RBFOX1: variants seen among roughly 807,000 people sequenced by gnomAD.
The protein encoded by RBFOX1 is RNA binding protein fox-1 homolog 1.
RBFOX1 carries 8 observed loss-of-function variants against 57.7 expected under a neutral mutation model. That is an observed-to-expected ratio of 0.14 (90% CI 0.08 to 0.25). The LOEUF is 0.25. Among genes scored for constraint, RBFOX1 ranks in the 10% least tolerant of loss-of-function variants. RBFOX1 has a pLI of 1.00. For missense variants in RBFOX1, 611 were observed against 548.5 expected (o/e 1.11, Z -1.14); for synonymous variants, 326 against 222.4 (o/e 1.47, Z -4.15).
At chr16:5,508,538 G>C (rs1046905761) in intron 2 of RBFOX1, among the ~76,000 whole-genome samples, 5 of 152,150 alleles carry the variant, frequency 3.3e-5, no homozygotes, top group Non-Finnish European at 7.3e-5. Context: ...ATTGCACAGA[G>C]TGATTGCACA....
chr16:5,646,329 G>T (rs948872864), intron 3 of RBFOX1, among the ~76,000 whole-genome samples: 5 of 151,886 alleles, frequency 3.3e-5, no homozygotes, highest in Admixed American at 2.6e-4. Context: ...TGTGGAGATA[G>T]GGTCTCACTA....
intron 1 of RBFOX1, among the ~76,000 whole-genome samples, chr16:5,254,901 A>T (rs1433402527): frequency 1.3e-5 from 2 of 152,126 alleles, no homozygotes; most frequent in African/African-American, 4.8e-5. Flanking sequence ...TTTGGGGTGA[A>T]CTGCAAGTAT....
At chr16:6,862,734 C>G (rs146262377) in intron 3 of RBFOX1, among the ~76,000 whole-genome samples, 1 of 152,074 alleles carries the variant, frequency 6.6e-6, no homozygotes, top group Non-Finnish European at 1.5e-5. Flanking sequence ...CCTGTAATCC[C>G]GGCGCTTTGT....
chr16:7,143,279 A>G (rs575294290), intron 4 of RBFOX1, among the ~76,000 whole-genome samples: 6 of 151,986 alleles, frequency 3.9e-5, no homozygotes, highest in South Asian at 2.1e-4. Flanking sequence ...AGAAATGACA[A>G]TGCGTCCAAC....
At chr16:6,647,970 T>C (rs1474183412) in intron 2 of RBFOX1, among the ~76,000 whole-genome samples, 1 of 152,162 alleles carries the variant, frequency 6.6e-6, no homozygotes, top group Non-Finnish European at 1.5e-5. Context: ...GCCTCTCTAG[T>C]AGCTGGAATT....
At chr16:7,114,624 G>C (rs2065487832) in intron 4 of RBFOX1, among the ~76,000 whole-genome samples, 2 of 152,162 alleles carry the variant, frequency 1.3e-5, no homozygotes, top group Non-Finnish European at 1.5e-5. Context: ...GAATGTTTCT[G>C]AAACGCCTTT....
At chr16:5,454,927 C>G (rs1251950506) in intron 1 of RBFOX1, among the ~76,000 whole-genome samples, 4 of 37,004 alleles carry the variant, frequency 1.1e-4, no homozygotes, top group Admixed American at 3.2e-4. Context: ...TTGTTTCTTT[C>G]TTCCTTCCTT....
intron 1 of RBFOX1, among the ~76,000 whole-genome samples, chr16:6,060,132 T>TTTG (rs2095666007): frequency 2.5e-4 from 3 of 12,060 alleles, no homozygotes; most frequent in African/African-American, 8.0e-4. Flanking sequence ...GTTTTTTTTT[T>TTTG]TTTTTTTTTT....
chr16:5,838,823 A>G (rs1403008298), intron 3 of RBFOX1, among the ~76,000 whole-genome samples: 2 of 152,224 alleles, frequency 1.3e-5, no homozygotes, highest in African/African-American at 4.8e-5. Flanking sequence ...AACGTGAACT[A>G]AGCACTTTTT....
At chr16:7,437,039 C>T (rs899896425) in intron 4 of RBFOX1, among the ~76,000 whole-genome samples, 17 of 152,176 alleles carry the variant, frequency 1.1e-4, no homozygotes, top group Admixed American at 2.0e-4. Context: ...CAAGATCACA[C>T]CACTGCACTC....
At chr16:6,365,887 G>T (rs1173411740) in intron 2 of RBFOX1, among the ~76,000 whole-genome samples, 1 of 152,190 alleles carries the variant, frequency 6.6e-6, no homozygotes, top group Non-Finnish European at 1.5e-5. Context: ...ACCTAGAATA[G>T]AGAGAGCATT....
chr16:6,875,137 A>G (rs1267792038), intron 3 of RBFOX1, among the ~76,000 whole-genome samples: 1 of 152,188 alleles, frequency 6.6e-6, no homozygotes, highest in Non-Finnish European at 1.5e-5. Context: ...TGCTTATACC[A>G]TTTAATCATA....
At chr16:6,544,999 C>CT (rs1414075450) in intron 2 of RBFOX1, among the ~76,000 whole-genome samples, 3 of 151,988 alleles carry the variant, frequency 2.0e-5, no homozygotes, top group Non-Finnish European at 2.9e-5. Context: ...ACTAATAAAT[C>CT]TTTTTTTTAT....
chr16:7,577,788 A>C (rs549765285), intron 5 of RBFOX1, among the ~76,000 whole-genome samples: 4 of 152,220 alleles, frequency 2.6e-5, no homozygotes, highest in Non-Finnish European at 5.9e-5. Context: ...AATCCTAGCT[A>C]CTTGGAAGGC....
chr16:7,454,762 A>C (rs144782847), intron 4 of RBFOX1, among the ~76,000 whole-genome samples: 2 of 152,212 alleles, frequency 1.3e-5, no homozygotes, highest in East Asian at 3.9e-4. Context: ...GAACATGTGC[A>C]ATTGCCCATC....
intron 3 of RBFOX1, among the ~76,000 whole-genome samples, chr16:6,919,099 C>G (rs1238521907): frequency 1.3e-5 from 2 of 152,126 alleles, no homozygotes; most frequent in Non-Finnish European, 2.9e-5. Context: ...CCTGTCTCAG[C>G]CTACTGAGTA....
At chr16:6,985,465 T>A (rs1002977658) in intron 3 of RBFOX1, among the ~76,000 whole-genome samples, 2 of 152,078 alleles carry the variant, frequency 1.3e-5, no homozygotes, top group Non-Finnish European at 2.9e-5. Flanking sequence ...CTGGGCAAAA[T>A]AGCTAGTCCA....
intron 3 of RBFOX1, among the ~76,000 whole-genome samples, chr16:6,858,020 C>T (rs965396847): frequency 6.6e-6 from 1 of 152,152 alleles, no homozygotes; most frequent in Non-Finnish European, 1.5e-5. Context: ...AAAGGCAAGG[C>T]TTTTCTCTTC....
At chr16:7,681,657 T>C (rs530944300) in intron 14 of RBFOX1, among the ~76,000 whole-genome samples, 7 of 152,290 alleles carry the variant, frequency 4.6e-5, no homozygotes, top group African/African-American at 1.7e-4. Flanking sequence ...ATTTAAGGGC[T>C]TATTTTTGTA....
Sources: gnomAD v4.1 joint callset for allele counts (sites outside exome capture counted in the v4.1 genomes callset) on GRCh38, gnomAD v4.1.1 for gene constraint, MANE v1.5 for transcripts, NCBI Gene and HGNC (gene_info 2026-07-23, HGNC 2026-07-21) for gene names.